DBX2: variants seen among roughly 807,000 people sequenced by gnomAD.
The protein encoded by DBX2 is developing brain homeobox 2.
Under a neutral mutation model 17.7 loss-of-function variants are expected in DBX2, and 16 were observed. The observed-to-expected ratio is 0.90, with a 90% CI of 0.61 to 1.37. The LOEUF (loss-of-function observed/expected upper bound fraction) is 1.37. Ranked by LOEUF, DBX2 falls within the 40% of genes most tolerant of loss-of-function variation. The pLI, the probability that DBX2 is intolerant of heterozygous loss-of-function variation, is 0.00. For missense variants in DBX2, 538 were observed against 433.8 expected, an observed-to-expected ratio of 1.24 and a Z score of -2.13; for synonymous variants, 255 against 183.8, an observed-to-expected ratio of 1.39 and a Z score of -3.13.
Position 45,029,916 on chromosome 12 carries a change from A to AATAAAAG in DBX2, c.500-6023_500-6022insCTTTTAT, listed in dbSNP as rs1565582731. 1.6e-3 allele frequency among the ~76,000 whole-genome samples: 242 copies of AATAAAAG among 151,338 alleles called. 1 individual carries two copies. The highest frequency in any genetic ancestry group is 5.6e-3 in the African/African-American group (229 of 41,258). On this transcript the variant is annotated intron_variant, in intron 2 of 3. Coordinates refer to ENST00000332700, the MANE Select transcript of DBX2 (RefSeq NM_001004329.3). ...TAAATAAATAAATAAATAAATAAAA[A>AATAAAAG]TAAAGAATGACCTGGGATAGAAAAC...
rs1176199641 is a variant in DBX2 at position 45,036,018 on chromosome 12, C to A, written c.499+1G>T. 6.2e-7 allele frequency: 1 copy of A among 1,611,888 alleles called. No individual in the cohort carries two copies. The highest frequency in any genetic ancestry group is 1.3e-5 in the African/African-American group (1 of 74,844). ...ATTGCTGATGAAGGATAAAAACTTA[C>A]TTGGAAAAGCAGTGGAGGATGCAGG... On this transcript the variant is annotated splice_donor_variant, in intron 2 of 3. Transcript: ENST00000332700. LOFTEE classifies it high-confidence loss of function.
chr12:45,030,080 G>A (rs1012341840), intron 2 of DBX2, among the ~76,000 whole-genome samples: 2 of 151,896 alleles, frequency 1.3e-5, no homozygotes, highest in Non-Finnish European at 2.9e-5. Context: ...TACACTGTGT[G>A]TTCATGATAT....
intron 1 of DBX2, among the ~76,000 whole-genome samples, chr12:45,044,611 T>C (rs898400902): frequency 3.9e-5 from 6 of 152,146 alleles, no homozygotes; most frequent in Non-Finnish European, 7.4e-5. Context: ...GGCATTAAAA[T>C]AGTCAGCAAT....
rs563279298 is a variant in DBX2 at position 45,035,186 on chromosome 12, G to A, written c.499+833C>T. On this transcript the variant is annotated intron_variant, in intron 2 of 3. Coordinates refer to ENST00000332700, the MANE Select transcript of DBX2 (RefSeq NM_001004329.3). Reference sequence around the variant, plus strand: ...CTGAATTCAACCGTGATGGGGTTCGGCACAAGAGCCTGACTCAACTCTTAA... The same window carrying A: ...CTGAATTCAACCGTGATGGGGTTCGACACAAGAGCCTGACTCAACTCTTAA... Among the ~76,000 whole-genome samples the A allele has an allele frequency of 4.6e-5, 7 of 152,334 alleles. No individual in the cohort carries two copies. The South Asian group carries it at 1.2e-3, about 27-fold the overall frequency.
At chr12:45,035,151 C>G (rs774219492) in intron 2 of DBX2, among the ~76,000 whole-genome samples, 29 of 152,370 alleles carry the variant, frequency 1.9e-4, no homozygotes, top group Middle Eastern at 3.4e-3. Context: ...TGCACAGAGG[C>G]AGCAGCGATC....
intron 1 of DBX2, among the ~76,000 whole-genome samples, chr12:45,043,137 T>A (rs1054116182): frequency 6.6e-6 from 1 of 152,192 alleles, no homozygotes; most frequent in African/African-American, 2.4e-5. Flanking sequence ...TAGCAGGAAG[T>A]GTATCTGATA....
Position 45,016,233 on chromosome 12 carries a change from C to T in DBX2, c.*53G>A. On this transcript the variant is annotated 3_prime_UTR_variant, in exon 4 of 4. Transcript: ENST00000332700. ...GGTACAAGCTAGCTGGCATTAGAGT[C>T]CAGATGTTACTATTAAGCGTTCTTT... is the stretch of plus-strand genomic sequence containing the variant. 6.6e-7 allele frequency: 1 copy of T among 1,509,652 alleles called. No individual in the cohort carries two copies. The highest frequency in any genetic ancestry group is 8.9e-7 in the Non-Finnish European group (1 of 1,129,236). 93.5% of individuals were successfully genotyped at this position (1,509,652 alleles called of 1,614,324 possible).
chr12:45,033,317 T>C (rs904603301), intron 2 of DBX2, among the ~76,000 whole-genome samples: 66 of 152,354 alleles, frequency 4.3e-4, no homozygotes, highest in African/African-American at 1.6e-3. Context: ...TTTAATCAGT[T>C]ATTAAACTTT....
chr12:45,016,592 C>T lies in DBX2; in HGVS notation c.714G>A (p.Arg238=), dbSNP rs770176742. The change falls in exon 4 of 4, where the codon AGG becomes AGA. Residue 238 remains arginine (R), a synonymous_variant. Transcript: ENST00000332700. The part of the protein sequence containing the change: ...SQVKIWFQNR[R]MKWRNSKEKE... ...TTTCTTTGGAATTCCGCCATTTCAT[C>T]CTCCTGTTCTGAAACCAAATTTTCA... The T allele has an allele frequency of 6.5e-7, 1 of 1,534,658 alleles. No individual in the cohort carries two copies. The highest frequency in any genetic ancestry group is 8.7e-7 in the Non-Finnish European group (1 of 1,143,848).
chr12:45,043,665 A>G (rs922397877), intron 1 of DBX2, among the ~76,000 whole-genome samples: 1 of 152,222 alleles, frequency 6.6e-6, no homozygotes, highest in African/African-American at 2.4e-5. Flanking sequence ...ACATCACTCA[A>G]GATTCTAAGT....
In DBX2 at chr12:45,023,845, A is replaced by C; in HGVS notation, c.549T>G (p.Ala183=). 3 of 1,603,304 alleles carry C rather than the reference A, an allele frequency of 1.9e-6. No individual in the cohort carries two copies. Among genetic ancestry groups the C allele is most frequent in the Non-Finnish European group, 2.6e-6 (3 of 1,175,608 alleles). The change falls in exon 3 of 4, where the codon GCT becomes GCG. Residue 183 remains alanine (A), a synonymous_variant. Coordinates refer to ENST00000332700, the MANE Select transcript of DBX2 (RefSeq NM_001004329.3). ...CAGCTCTTCTTAAAATGCCCCTCCG[A>C]GCTTTGGAATTAGAGTCCTGTGTCA... ...PLLTQDSNSK[A]RRGILRRAVF...
intron 2 of DBX2, among the ~76,000 whole-genome samples, chr12:45,032,752 C>G (rs1037765270): frequency 5.9e-5 from 9 of 152,094 alleles, no homozygotes; most frequent in African/African-American, 9.7e-5. Flanking sequence ...CAAATTTAAC[C>G]TTTGTCTTTT....
At chr12:45,038,404 A>T (rs1946451752) in intron 1 of DBX2, among the ~76,000 whole-genome samples, 1 of 151,358 alleles carries the variant, frequency 6.6e-6, no homozygotes, top group Non-Finnish European at 1.5e-5. Context: ...ACAGAAAACA[A>T]AAAAAAAGGT....
chr12:45,031,965 G>C (rs1177739599), intron 2 of DBX2, among the ~76,000 whole-genome samples: 1 of 152,040 alleles, frequency 6.6e-6, no homozygotes. Flanking sequence ...CTATAGACAA[G>C]ATCAGAGAAA....
chr12:45,016,870 G>A (rs1384079416), intron 3 of DBX2, among the ~76,000 whole-genome samples: 2 of 151,958 alleles, frequency 1.3e-5, no homozygotes, highest in South Asian at 2.1e-4. Flanking sequence ...TGCAACCTCC[G>A]CCACCCAGGC....
chr12:45,024,763 G>T (rs1476947140), intron 2 of DBX2, among the ~76,000 whole-genome samples: 4 of 152,282 alleles, frequency 2.6e-5, no homozygotes, highest in Middle Eastern at 3.4e-3. Flanking sequence ...TCCTAAGGAG[G>T]GAGATTTGGG....
At chr12:45,027,084 A>T (rs1231830020) in intron 2 of DBX2, among the ~76,000 whole-genome samples, 1 of 152,214 alleles carries the variant, frequency 6.6e-6, no homozygotes, top group Non-Finnish European at 1.5e-5. Flanking sequence ...TTCTCTGAAC[A>T]TTCCTTGGTT....
intron 2 of DBX2, among the ~76,000 whole-genome samples, chr12:45,035,294 A>G (rs1377291581): frequency 6.6e-6 from 1 of 152,142 alleles, no homozygotes; most frequent in African/African-American, 2.4e-5. Flanking sequence ...CTTCCACTGG[A>G]CCTCTTTACC....
intron 1 of DBX2, among the ~76,000 whole-genome samples, chr12:45,042,906 G>A (rs1946479270): frequency 6.6e-6 from 1 of 152,160 alleles, no homozygotes; most frequent in African/African-American, 2.4e-5. Context: ...CATCACAGGT[G>A]CCCAGGGTCA....
Sources: allele counts gnomAD v4.1 joint callset (sites outside exome capture counted in the v4.1 genomes callset), GRCh38; gene constraint gnomAD v4.1.1; transcripts MANE v1.5; gene names NCBI Gene and HGNC (gene_info 2026-07-23, HGNC 2026-07-21).